PKNOX2: variants seen among roughly 807,000 people sequenced by gnomAD.
PKNOX2 encodes PBX/knotted 1 homeobox 2.
In PKNOX2, 14 loss-of-function variants were observed where a neutral mutation model predicts 53.1. That is an observed-to-expected ratio of 0.26 (90% CI 0.17 to 0.41). PKNOX2 has a LOEUF of 0.41. Ranked by LOEUF, PKNOX2 falls within the 10% of genes least tolerant of loss-of-function variation. The probability of loss-of-function intolerance (pLI) is 1.00; values close to 1 mark genes in which losing one functional copy is unlikely to be tolerated. For missense variants in PKNOX2, 496 were observed against 602.8 expected, an observed-to-expected ratio of 0.82 and a Z score of 1.85; for synonymous variants, 257 against 242.8, an observed-to-expected ratio of 1.06 and a Z score of -0.54.
intron 2 of PKNOX2, among the ~76,000 whole-genome samples, chr11:125,321,396 A>G (rs1309811458): frequency 2.6e-5 from 4 of 152,206 alleles, no homozygotes; most frequent in African/African-American, 9.6e-5. Flanking sequence ...CATATAACCT[A>G]CGCACATACT....
rs373744246 is a variant in PKNOX2 at position 125,430,653 on chromosome 11, T to C, written c.1192+512T>C. Among the ~76,000 whole-genome samples the C allele has an allele frequency of 9.9e-5, 15 of 151,558 alleles. 1 individual carries two copies. The highest frequency in any genetic ancestry group is 3.6e-4 in the African/African-American group (15 of 41,186). On this transcript the variant is annotated intron_variant, in intron 12 of 12. Transcript: ENST00000298282. ...TATGAAGATAGCTCTGTATGGGGAG[T>C]GGAGCGTAGGTGTGCGTGTGTGCAC...
chr11:125,233,282 CAG>C (rs1942385953), intron 1 of PKNOX2, among the ~76,000 whole-genome samples: 1 of 152,186 alleles, frequency 6.6e-6, no homozygotes, highest in South Asian at 2.1e-4. Flanking sequence ...GTGTCTCAGA[CAG>C]ACAGTCCCAC....
At chr11:125,361,481 A>G (rs1591542292) in intron 4 of PKNOX2, among the ~76,000 whole-genome samples, 1 of 152,198 alleles carries the variant, frequency 6.6e-6, no homozygotes, top group African/African-American at 2.4e-5. Flanking sequence ...GTGGGATTCA[A>G]AACTAGTTCT....
At chr11:125,266,422 C>T (rs1426765360) in intron 2 of PKNOX2, among the ~76,000 whole-genome samples, 2 of 152,204 alleles carry the variant, frequency 1.3e-5, no homozygotes, top group Non-Finnish European at 2.9e-5. Context: ...TTGAACCTTT[C>T]ATCCTCCCCA....
intron 3 of PKNOX2, among the ~76,000 whole-genome samples, chr11:125,334,571 C>T (rs576214270): frequency 1.3e-4 from 20 of 151,166 alleles, no homozygotes; most frequent in South Asian, 8.4e-4. Flanking sequence ...GGGCAAGTTA[C>T]GTAACTTAAG....
intron 5 of PKNOX2, among the ~76,000 whole-genome samples, chr11:125,376,903 T>C (rs1952877140): frequency 6.6e-6 from 1 of 152,212 alleles, no homozygotes; most frequent in Admixed American, 6.5e-5. Context: ...CTATTGGCAG[T>C]CCTTTTTCGG....
chr11:125,262,804 C>T (rs1371211607), intron 2 of PKNOX2, among the ~76,000 whole-genome samples: 3 of 152,146 alleles, frequency 2.0e-5, no homozygotes, highest in African/African-American at 7.2e-5. Flanking sequence ...CTCTGCTTCT[C>T]CTTACTTCTC....
intron 2 of PKNOX2, among the ~76,000 whole-genome samples, chr11:125,303,388 G>A (rs889357950): frequency 6.6e-6 from 1 of 152,060 alleles, no homozygotes; most frequent in Non-Finnish European, 1.5e-5. Flanking sequence ...CCAGCACTGG[G>A]CCCAGTCTCC....
chr11:125,170,084 G>T (rs921824996), intron 1 of PKNOX2, among the ~76,000 whole-genome samples: 1 of 152,214 alleles, frequency 6.6e-6, no homozygotes, highest in East Asian at 1.9e-4. Flanking sequence ...CTGGTCGGCT[G>T]AGGGGGTTGG....
At chr11:125,175,220 G>GAAGT (rs1955621934) in intron 1 of PKNOX2, among the ~76,000 whole-genome samples, 1 of 145,272 alleles carries the variant, frequency 6.9e-6, no homozygotes, top group Non-Finnish European at 1.5e-5. Context: ...AGGAAGGAAG[G>GAAGT]AAGGAAGGAA....
chr11:125,168,779 C>A (rs771261218), intron 1 of PKNOX2, among the ~76,000 whole-genome samples: 47 of 152,186 alleles, frequency 3.1e-4, no homozygotes, highest in Non-Finnish European at 5.0e-4. Flanking sequence ...AGCAGCAGAG[C>A]AGGGGAAAAT....
chr11:125,358,660 C>G (rs755228782), intron 4 of PKNOX2, among the ~76,000 whole-genome samples: 9 of 152,258 alleles, frequency 5.9e-5, no homozygotes, highest in Non-Finnish European at 1.3e-4. Context: ...GTTCCAAGAG[C>G]CTCTTTGAGC....
Position 125,302,795 on chromosome 11 carries a change from G to T in PKNOX2, c.-129-29024G>T, listed in dbSNP as rs566570569. ...GGAGGTGCCGTGTTCCCTCCTCCAT[G>T]CCCTCTCCACGTCTTTTCCCACTAC... On this transcript the variant is annotated intron_variant, in intron 2 of 12. Coordinates refer to ENST00000298282, the MANE Select transcript of PKNOX2 (RefSeq NM_001382323.2). 1.3e-5 allele frequency among the ~76,000 whole-genome samples: 2 copies of T among 152,254 alleles called. 1 individual carries two copies. The highest frequency in any genetic ancestry group is 4.2e-4 in the South Asian group (2 of 4,804).
chr11:125,397,771 AG>A lies in PKNOX2; in HGVS notation c.400-98del, dbSNP rs1954497885. ...AAGTGTAGGAAGCATGAGCTACGGC[AG>A]GGGGTGGGCTCCCCTCCCCTGGGGT... On this transcript the variant is annotated intron_variant, in intron 6 of 12. Coordinates refer to ENST00000298282, the MANE Select transcript of PKNOX2 (RefSeq NM_001382323.2). The A allele has an allele frequency of 5.9e-6, 7 of 1,183,158 alleles. No individual in the cohort carries two copies. In the South Asian group the frequency reaches 7.4e-5, roughly 13 times the overall value. 73.3% of individuals were successfully genotyped at this position (1,183,158 alleles called of 1,614,324 possible).
At chr11:125,413,959 T>G (rs1955722203) in intron 10 of PKNOX2, among the ~76,000 whole-genome samples, 1 of 152,088 alleles carries the variant, frequency 6.6e-6, no homozygotes, top group Non-Finnish European at 1.5e-5. Flanking sequence ...CTTCACTACT[T>G]TCCACTCCCC....
At chr11:125,400,234 G>C (rs1279703978) in intron 7 of PKNOX2, among the ~76,000 whole-genome samples, 1 of 152,072 alleles carries the variant, frequency 6.6e-6, no homozygotes. Flanking sequence ...ATTCCTACTT[G>C]GTATTACTCA....
intron 4 of PKNOX2, among the ~76,000 whole-genome samples, chr11:125,357,828 C>T (rs1005097086): frequency 1.3e-5 from 2 of 152,122 alleles, no homozygotes; most frequent in East Asian, 3.8e-4. Flanking sequence ...ATTATCAGCT[C>T]CACTGCTGAT....
intron 1 of PKNOX2, among the ~76,000 whole-genome samples, chr11:125,171,580 G>A (rs551804936): frequency 1.2e-4 from 18 of 152,340 alleles, no homozygotes; most frequent in South Asian, 1.0e-3. Context: ...TCCCTAGCAC[G>A]GTGTCTGGCA....
At chr11:125,417,451 CA>C (rs1354163023) in intron 10 of PKNOX2, among the ~76,000 whole-genome samples, 1 of 152,030 alleles carries the variant, frequency 6.6e-6, no homozygotes, top group Non-Finnish European at 1.5e-5. Context: ...TGTAACGCAT[CA>C]TCTCATTTAA....
Sources: allele counts gnomAD v4.1 joint callset (sites outside exome capture counted in the v4.1 genomes callset), GRCh38; gene constraint gnomAD v4.1.1; transcripts MANE v1.5; gene names NCBI Gene and HGNC (gene_info 2026-07-23, HGNC 2026-07-21).